The following CDC42BPA variants were observed in gnomAD, a reference collection of about 807,000 sequenced individuals.
The protein encoded by CDC42BPA is CDC42 binding protein kinase alpha.
In CDC42BPA, 80 loss-of-function variants were observed where a neutral mutation model predicts 223.5. That is an observed-to-expected ratio of 0.36 (90% CI 0.30 to 0.43). CDC42BPA has a LOEUF of 0.43. Among genes scored for constraint, CDC42BPA ranks in the 20% least tolerant of loss-of-function variants. CDC42BPA has a pLI of 1.00. For synonymous variants in CDC42BPA, 694 were observed against 718.6 expected (o/e 0.97, Z 0.55); for missense variants, 1,743 against 2,099.9 (o/e 0.83, Z 3.32).
chr1:227,004,704 T>C, intron 35 of CDC42BPA: 1 of 415,696 alleles, frequency 2.4e-6, no homozygotes, highest in East Asian at 4.5e-5. Context: ...CTTGTTATTC[T>C]CTATTAATGT....
At position 227,115,040 on chromosome 1, in the gene CDC42BPA, A is replaced by G. The variant is rs531744745; in HGVS notation, c.1648-2127T>C. On this transcript the variant is annotated intron_variant, in intron 12 of 36. Transcript: ENST00000366766. ...AAGAAATGATTTTGCAAACAAAAAG[A>G]GTTCTGGAGACTGCTGCACAAGAAT... 2.4e-3 allele frequency among the ~76,000 whole-genome samples: 373 copies of G among 152,270 alleles called. 3 individuals carry two copies. Among genetic ancestry groups the G allele is most frequent in the Non-Finnish European group, 3.6e-3 (245 of 67,978 alleles).
chr1:227,160,419 CATAG>C (rs1663664926), intron 6 of CDC42BPA, 120 bp downstream of exon 6: 4 of 713,374 alleles, frequency 5.6e-6, no homozygotes, highest in Non-Finnish European at 1.0e-5. Flanking sequence ...GGAGGTGGCG[CATAG>C]ATAGACAAAT....
intron 2 of CDC42BPA, among the ~76,000 whole-genome samples, chr1:227,247,563 C>T (rs148608335): frequency 0.023 from 3,436 of 151,808 alleles, 66 homozygotes; most frequent in Non-Finnish European, 0.033. Context: ...ATTTGGGATT[C>T]TATAAGATAA....
At chr1:227,196,724 T>C (rs1481181202) in intron 4 of CDC42BPA, among the ~76,000 whole-genome samples, 1 of 152,218 alleles carries the variant, frequency 6.6e-6, no homozygotes, top group African/African-American at 2.4e-5. Flanking sequence ...TTAGAGTTCA[T>C]ATGAGTTACT....
Position 227,035,577 on chromosome 1 carries a change from A to G in CDC42BPA, c.3230T>C (p.Val1077Ala), listed in dbSNP as rs774212728. 2 of 1,607,974 alleles carry G rather than the reference A, an allele frequency of 1.2e-6. No individual in the cohort carries two copies. Among genetic ancestry groups the G allele is most frequent in the South Asian group, 2.2e-5 (2 of 89,292 alleles). Residue 1077 changes from valine (V) to alanine (A), a missense_variant, in exon 25 of 37, where the codon GTA becomes GCA. Val to Ala is a moderately conservative substitution (Grantham distance 64). Coordinates refer to ENST00000366766, the MANE Select transcript of CDC42BPA (RefSeq NM_001394014.1). ...VCGFSCHITC[V>A]NKAPTTCPVP... The stretch of plus-strand genomic sequence containing the variant: ...TGGACAAGTGGTTGGAGCTTTGTTT[A>G]CACAAGTTATATGGCATGAGAATCC...
chr1:227,008,334 G>T (rs983960796), intron 34 of CDC42BPA, among the ~76,000 whole-genome samples: 3 of 152,102 alleles, frequency 2.0e-5, no homozygotes, highest in African/African-American at 7.2e-5. Flanking sequence ...AACATTTTAT[G>T]CAAACACTTA....
At chr1:227,132,588 G>A (rs1227418106) in intron 10 of CDC42BPA, among the ~76,000 whole-genome samples, 2 of 148,448 alleles carry the variant, frequency 1.3e-5, no homozygotes, top group African/African-American at 2.5e-5. Context: ...CTGCCTGGCC[G>A]CCCATCGTCT....
chr1:227,178,346 C>T (rs1337529571), intron 5 of CDC42BPA: 1 of 153,030 alleles, frequency 6.5e-6, no homozygotes, highest in Non-Finnish European at 1.5e-5. Flanking sequence ...TTCTCATTCT[C>T]TCTTTGCCTG....
chr1:227,024,172 C>T (rs78436343), intron 31 of CDC42BPA, among the ~76,000 whole-genome samples: 3,127 of 152,032 alleles, frequency 0.021, 120 homozygotes, highest in African/African-American at 0.072. Flanking sequence ...AAAAGCATGA[C>T]CAGGCATTTT....
chr1:227,187,982 C>T (rs1364712546), intron 5 of CDC42BPA, among the ~76,000 whole-genome samples: 3 of 151,190 alleles, frequency 2.0e-5, no homozygotes, highest in Admixed American at 6.6e-5. Context: ...GGATTTGTTG[C>T]CAGGAAAACT....
intron 32 of CDC42BPA, among the ~76,000 whole-genome samples, chr1:227,019,686 T>A (rs35168867): frequency 1.7e-5 from 2 of 115,802 alleles, no homozygotes; most frequent in African/African-American, 6.3e-5. Context: ...CGTGAAAATA[T>A]CATCAATCTC....
intron 2 of CDC42BPA, among the ~76,000 whole-genome samples, chr1:227,230,507 GT>G (rs1677652523): frequency 6.6e-6 from 1 of 152,156 alleles, no homozygotes; most frequent in African/African-American, 2.4e-5. Flanking sequence ...CTGTAACAGA[GT>G]TTAAAATTTA....
At chr1:227,050,944 G>A (rs753573778) in intron 22 of CDC42BPA, among the ~76,000 whole-genome samples, 45 of 152,164 alleles carry the variant, frequency 3.0e-4, no homozygotes, top group Non-Finnish European at 4.3e-4. Context: ...ATATTTACAT[G>A]GGTGTTTATA....
Position 227,289,609 on chromosome 1 carries a change from C to T in CDC42BPA, c.178+27396G>A, listed in dbSNP as rs377438504. Among the ~76,000 whole-genome samples, 3 of 152,210 alleles carry T rather than the reference C, an allele frequency of 2.0e-5. No individual in the cohort carries two copies. The East Asian group carries it at 5.8e-4, about 29-fold the overall frequency. On this transcript the variant is annotated intron_variant, in intron 1 of 36. Coordinates refer to ENST00000366766, the MANE Select transcript of CDC42BPA (RefSeq NM_001394014.1). ...TGTAAGCTCCATGAGAGCAGAAACC[C>T]TGCCTGTCTCGTTCACTGTTGTATC...
At chr1:227,296,280 A>G (rs1205316595) in intron 1 of CDC42BPA, among the ~76,000 whole-genome samples, 2 of 152,220 alleles carry the variant, frequency 1.3e-5, no homozygotes, top group African/African-American at 4.8e-5. Context: ...TCTCTTTTCT[A>G]TATGGCAAAT....
intron 22 of CDC42BPA, among the ~76,000 whole-genome samples, chr1:227,050,265 C>T (rs1384732380): frequency 6.6e-6 from 1 of 151,940 alleles, no homozygotes; most frequent in East Asian, 1.9e-4. Context: ...AGATGTAATA[C>T]AAAAATGACA....
At chr1:227,065,315 T>G (rs1016896009) in intron 21 of CDC42BPA, among the ~76,000 whole-genome samples, 7 of 151,992 alleles carry the variant, frequency 4.6e-5, no homozygotes, top group African/African-American at 1.5e-4. Flanking sequence ...CTTTCTAAGG[T>G]TTTCTCCTTC....
intron 1 of CDC42BPA, among the ~76,000 whole-genome samples, chr1:227,294,859 CAAAAAAAA>C (rs397983087): frequency 7.8e-5 from 1 of 12,818 alleles, no homozygotes; most frequent in African/African-American, 4.1e-4. Context: ...GACTCCGTCT[CAAAAAAAA>C]AAAAAAAAAA....
chr1:227,031,180 TTA>T (rs1196031400), intron 28 of CDC42BPA, 116 bp downstream of exon 28: 1 of 735,228 alleles, frequency 1.4e-6, no homozygotes, highest in African/African-American at 1.8e-5. Flanking sequence ...TACTGAGCAT[TTA>T]TGATATGATG....
Sources: allele counts gnomAD v4.1 joint callset (sites outside exome capture counted in the v4.1 genomes callset), GRCh38; gene constraint gnomAD v4.1.1; transcripts MANE v1.5; gene names NCBI Gene and HGNC (gene_info 2026-07-23, HGNC 2026-07-21).